Variants in HEPACAM observed in about 807,000 individuals in gnomAD.
HEPACAM encodes hepatic and glial cell adhesion molecule.
HEPACAM carries 18 observed loss-of-function variants against 38.3 expected under a neutral mutation model. That is an observed-to-expected ratio of 0.47 (90% confidence interval 0.33 to 0.70). HEPACAM has a LOEUF of 0.70. HEPACAM is among the 30% of genes least tolerant of loss of function. The probability of loss-of-function intolerance (pLI) is 0.03; values close to 1 mark genes in which losing one functional copy is unlikely to be tolerated. For synonymous variants in HEPACAM, 216 were observed against 243.1 expected, an observed-to-expected ratio of 0.89 and a Z score of 1.04; for missense variants, 466 against 563.0, an observed-to-expected ratio of 0.83 and a Z score of 1.74.
rs752637604 is a variant in HEPACAM at position 124,923,915 on chromosome 11, T to A, written c.523A>T (p.Lys175Ter). 2 of 1,613,508 alleles carry A rather than the reference T, an allele frequency of 1.2e-6. No individual in the cohort carries two copies. Among genetic ancestry groups the A allele is most frequent in the Non-Finnish European group, 1.7e-6 (2 of 1,180,006 alleles). Reference sequence around the variant, plus strand: ...TCCTTCAGCCAGGTGTAGCTGGGCTTGGTGCCATTCTCATGTGAGCAGTTC... The same window carrying A: ...TCCTTCAGCCAGGTGTAGCTGGGCTAGGTGCCATTCTCATGTGAGCAGTTC... ...TLNCSHENGT[K>*]PSYTWLKDGK... Residue 175 changes from lysine (K) to a stop codon, truncating the protein, a stop_gained, in exon 3 of 7, where the codon AAG becomes TAG. Transcript: ENST00000298251. LOFTEE classifies it high-confidence loss of function.
chr11:124,920,693 A>AGG lies in HEPACAM; in HGVS notation c.*444_*445insCC, dbSNP rs1947119411. The AGG allele has an allele frequency of 7.8e-6, 8 of 1,023,838 alleles. No individual in the cohort carries two copies. The Admixed American group carries it at 2.8e-4, about 35-fold the overall frequency. 63.4% of individuals were successfully genotyped at this position (1,023,838 alleles called of 1,614,324 possible). On this transcript the variant is annotated 3_prime_UTR_variant, in exon 7 of 7. Transcript: ENST00000298251. ...TCTGAACTTGCAAAAAAAAAAAAAA[A>AGG]AAAAAAAAAAAAAAAAGTGCCCCAG...
At position 124,931,934 on chromosome 11, in the gene HEPACAM, C is replaced by T. The variant is rs12295051; in HGVS notation, c.85+3988G>A. ...TACAGCAGTGAGACCAAATAAACTACGACAACTTAGATGAATCCTACAAAC... is the reference window on the plus strand; with the variant it reads ...TACAGCAGTGAGACCAAATAAACTATGACAACTTAGATGAATCCTACAAAC... On this transcript the variant is annotated intron_variant, in intron 1 of 6. Transcript: ENST00000298251. 6.4e-3 allele frequency among the ~76,000 whole-genome samples: 980 copies of T among 152,286 alleles called. 12 individuals carry two copies. Among genetic ancestry groups the T allele is most frequent in the African/African-American group, 0.022 (907 of 41,558 alleles).
intron 1 of HEPACAM, among the ~76,000 whole-genome samples, chr11:124,930,707 G>T (rs1014244858): frequency 6.6e-6 from 1 of 152,214 alleles, no homozygotes; most frequent in Non-Finnish European, 1.5e-5. Flanking sequence ...TCTGAAAACA[G>T]ACTTAAATAT....
At chr11:124,931,057 T>C (rs1045292540) in intron 1 of HEPACAM, among the ~76,000 whole-genome samples, 3 of 152,126 alleles carry the variant, frequency 2.0e-5, no homozygotes, top group African/African-American at 7.2e-5. Flanking sequence ...AGGCAAACCA[T>C]AAAGTGGGAG....
intron 1 of HEPACAM, among the ~76,000 whole-genome samples, chr11:124,927,754 G>A (rs1947235901): frequency 1.3e-5 from 2 of 152,022 alleles, no homozygotes; most frequent in Non-Finnish European, 2.9e-5. Flanking sequence ...GGCCGGGCAT[G>A]GTGGCACACA....
intron 1 of HEPACAM, 147 bp downstream of exon 1, chr11:124,935,775 C>T (rs1947337081): frequency 4.1e-6 from 3 of 727,770 alleles, no homozygotes; most frequent in African/African-American, 1.7e-5. Context: ...AACGCTAATG[C>T]CTGAATTCCC....
In HEPACAM at chr11:124,921,382, C is replaced by T; in HGVS notation, c.1007G>A (p.Gly336Asp). The T allele has an allele frequency of 7.9e-7, 1 of 1,271,550 alleles. No homozygotes were observed. 78.8% of individuals were successfully genotyped at this position (1,271,550 alleles called of 1,614,324 possible). A position where few individuals can be genotyped will look rare whatever the true frequency, so the allele number is the denominator to read the frequency against. The part of the protein sequence containing the change: ...APEPRSATEP[G>D]PPGYSVSPAV... Reference sequence around the variant, plus strand: ...GGGAGACACGGAGTAGCCGGGCGGGCCGGGCTCCGTCGCGCTTCGAGGCTC... The same window carrying T: ...GGGAGACACGGAGTAGCCGGGCGGGTCGGGCTCCGTCGCGCTTCGAGGCTC... Residue 336 changes from glycine (G) to aspartate (D), a missense_variant, in exon 7 of 7, where the codon GGC (glycine) becomes GAC (aspartate). By Grantham distance (94) the Gly-to-Asp change is moderately conservative. Coordinates refer to ENST00000298251, the MANE Select transcript of HEPACAM (RefSeq NM_152722.5). This position sits in a 1 kb window ranked among gnomAD's most constrained non-coding sequence, Gnocchi z 4.6.
intron 1 of HEPACAM, among the ~76,000 whole-genome samples, chr11:124,926,669 C>G (rs61910645): frequency 0.15 from 22,117 of 152,068 alleles, 2,088 homozygotes; most frequent in African/African-American, 0.27. Flanking sequence ...CTCTGCACCC[C>G]TTGCCGCTTC....
At chr11:124,922,364 G>C (rs1240387059) in intron 6 of HEPACAM, 24 bp downstream of exon 6, 3 of 1,609,184 alleles carry the variant, frequency 1.9e-6, no homozygotes, top group Non-Finnish European at 2.6e-6. Flanking sequence ...CATGTTTCTG[G>C]GCACCCAGTC....
intron 1 of HEPACAM, among the ~76,000 whole-genome samples, chr11:124,929,528 C>T (rs1165930745): frequency 6.6e-6 from 1 of 152,144 alleles, no homozygotes; most frequent in Admixed American, 6.5e-5. Context: ...GGAAATAGCT[C>T]ACAACTAAGG....
chr11:124,921,057 C>T lies in HEPACAM; in HGVS notation c.*81G>A. 1.4e-6 allele frequency: 2 copies of T among 1,468,884 alleles called. No individual in the cohort carries two copies. Among genetic ancestry groups the T allele is most frequent in the Non-Finnish European group, 1.8e-6 (2 of 1,114,246 alleles). The allele number at this position is 1,468,884 out of a possible 1,614,324, so 91.0% of individuals were successfully genotyped here. ...ACCTCCCCTCGTCCCCAGCGCGCCG[C>T]GCCCGGGCTTCCCAGCCCCAGCTTT... is the stretch of plus-strand genomic sequence containing the variant. On this transcript the variant is annotated 3_prime_UTR_variant, in exon 7 of 7. Coordinates refer to ENST00000298251, the MANE Select transcript of HEPACAM (RefSeq NM_152722.5). The surrounding 1 kb of genome is among the most constrained non-coding windows in gnomAD (Gnocchi z 4.6).
At chr11:124,925,607 T>C (rs568327775) in intron 1 of HEPACAM, among the ~76,000 whole-genome samples, 1 of 152,212 alleles carries the variant, frequency 6.6e-6, no homozygotes, top group South Asian at 2.1e-4. Flanking sequence ...ACAGTGCCAG[T>C]AAAGGGAAAG....
At chr11:124,923,221 C>G in intron 4 of HEPACAM, 119 bp downstream of exon 4, 1 of 794,430 alleles carries the variant, frequency 1.3e-6, no homozygotes. Context: ...AAGAATGGAT[C>G]TCTCGGAAAG....
intron 1 of HEPACAM, among the ~76,000 whole-genome samples, chr11:124,926,877 T>A (rs973683160): frequency 6.7e-5 from 10 of 150,272 alleles, no homozygotes; most frequent in African/African-American, 1.7e-4. Context: ...AAAAAAAAAA[T>A]TTTTTTTTTG....
chr11:124,935,271 G>C (rs1269146143), intron 1 of HEPACAM, among the ~76,000 whole-genome samples: 2 of 151,978 alleles, frequency 1.3e-5, no homozygotes, highest in Non-Finnish European at 2.9e-5. Context: ...ACATCTGTTT[G>C]CCTCACTAAG....
chr11:124,933,145 TTAAC>T (rs1947298774), intron 1 of HEPACAM, among the ~76,000 whole-genome samples: 1 of 152,168 alleles, frequency 6.6e-6, no homozygotes, highest in African/African-American at 2.4e-5. Flanking sequence ...TCATAGGTCA[TTAAC>T]TAATATCCTA....
intron 1 of HEPACAM, among the ~76,000 whole-genome samples, chr11:124,933,229 T>C (rs748217843): frequency 6.6e-6 from 1 of 152,156 alleles, no homozygotes; most frequent in East Asian, 1.9e-4. Flanking sequence ...TGAAGTGCAG[T>C]GACGTGATCA....
chr11:124,920,015 T>G lies in HEPACAM; in HGVS notation c.*1123A>C. On this transcript the variant is annotated 3_prime_UTR_variant, in exon 7 of 7. Transcript: ENST00000298251. Reference sequence around the variant, plus strand: ...CAGCCTCTTTATTTTGATGTTAGTGTGATTAGGGAGTCTGCCCTTTTTCTG... The same window carrying G: ...CAGCCTCTTTATTTTGATGTTAGTGGGATTAGGGAGTCTGCCCTTTTTCTG... The G allele has an allele frequency of 6.2e-7, 1 of 1,611,832 alleles. No individual in the cohort carries two copies. Among genetic ancestry groups the G allele is most frequent in the South Asian group, 1.1e-5 (1 of 90,944 alleles).
In HEPACAM at chr11:124,920,744, G is replaced by A; in HGVS notation, c.*394C>T. On this transcript the variant is annotated 3_prime_UTR_variant, in exon 7 of 7. Coordinates refer to ENST00000298251, the MANE Select transcript of HEPACAM (RefSeq NM_152722.5). ...CACTCAGGCATTTGTTCAGAGGGAA[G>A]GGTGGTGGGTGGGAAACAACACAGC... is the stretch of plus-strand genomic sequence containing the variant. The A allele has an allele frequency of 1.9e-6, 2 of 1,057,170 alleles. No homozygotes were observed. The highest frequency in any genetic ancestry group is 2.3e-6 in the Non-Finnish European group (2 of 877,412). 65.5% of individuals were successfully genotyped at this position (1,057,170 alleles called of 1,614,324 possible). A position where few individuals can be genotyped will look rare whatever the true frequency, so the allele number is the denominator to read the frequency against.
Sources: allele counts gnomAD v4.1 joint callset (sites outside exome capture counted in the v4.1 genomes callset), GRCh38; gene constraint gnomAD v4.1.1; non-coding constraint Gnocchi (gnomAD v3.1); transcripts MANE v1.5; gene names NCBI Gene and HGNC (gene_info 2026-07-23, HGNC 2026-07-21).